The following SLC38A1 variants were observed in gnomAD, a reference collection of about 807,000 sequenced individuals.
SLC38A1 encodes sodium-coupled neutral amino acid symporter 1.
A neutral mutation model predicts 60.3 loss-of-function variants in SLC38A1; 18 were observed. The ratio of observed to expected loss-of-function variants is 0.30; its 90% confidence interval spans 0.21 to 0.44. SLC38A1 has a LOEUF of 0.44. Among genes scored for constraint, SLC38A1 ranks in the 20% least tolerant of loss-of-function variants. SLC38A1 has a pLI of 1.00. For missense variants in SLC38A1, 448 were observed against 587.2 expected (o/e 0.76, Z 2.45); for synonymous variants, 196 against 212.1 (o/e 0.92, Z 0.66).
chr12:46,219,304 T>C (rs550431915), intron 5 of SLC38A1, among the ~76,000 whole-genome samples: 1 of 152,336 alleles, frequency 6.6e-6, no homozygotes, highest in Admixed American at 6.5e-5. Flanking sequence ...GGTTATAATT[T>C]TGCAAAGGCA....
intron 9 of SLC38A1, among the ~76,000 whole-genome samples, chr12:46,205,657 C>A (rs1939862958): frequency 6.6e-6 from 1 of 152,186 alleles, no homozygotes; most frequent in Non-Finnish European, 1.5e-5. Flanking sequence ...TGGTCAGACT[C>A]TCTAAATTTA....
intron 1 of SLC38A1, among the ~76,000 whole-genome samples, chr12:46,245,048 A>AT (rs1185070138): frequency 6.6e-6 from 1 of 152,196 alleles, no homozygotes. Context: ...CCTTGATAAC[A>AT]TATCATCTAT....
At chr12:46,264,936 A>G (rs1181019453) in intron 1 of SLC38A1, among the ~76,000 whole-genome samples, 1 of 152,226 alleles carries the variant, frequency 6.6e-6, no homozygotes, top group Non-Finnish European at 1.5e-5. Flanking sequence ...CCCAGAGACT[A>G]AAAAGATCCA....
chr12:46,213,279 G>T (rs944920100), intron 5 of SLC38A1, among the ~76,000 whole-genome samples: 1 of 152,146 alleles, frequency 6.6e-6, no homozygotes, highest in Non-Finnish European at 1.5e-5. Flanking sequence ...TTGAGCTTCT[G>T]GTGTGAATGC....
intron 5 of SLC38A1, among the ~76,000 whole-genome samples, chr12:46,222,552 T>C (rs1339853873): frequency 6.6e-6 from 1 of 152,152 alleles, no homozygotes; most frequent in Non-Finnish European, 1.5e-5. Context: ...CCTAGGAGAT[T>C]TTTCCTCACC....
intron 16 of SLC38A1, among the ~76,000 whole-genome samples, chr12:46,192,260 G>A (rs1939176420): frequency 6.6e-6 from 1 of 152,202 alleles, no homozygotes; most frequent in South Asian, 2.1e-4. Context: ...TGTTGAAGCA[G>A]CCTTGCATCC....
At chr12:46,217,109 A>G (rs1940447885) in intron 5 of SLC38A1, among the ~76,000 whole-genome samples, 1 of 152,226 alleles carries the variant, frequency 6.6e-6, no homozygotes, top group Non-Finnish European at 1.5e-5. Context: ...GGTATTCATT[A>G]TATATCAGGC....
At chr12:46,232,020 T>C (rs1941096304) in intron 3 of SLC38A1, among the ~76,000 whole-genome samples, 1 of 152,254 alleles carries the variant, frequency 6.6e-6, no homozygotes, top group South Asian at 2.1e-4. Flanking sequence ...TTCATCTTTA[T>C]CCAAGGGATC....
At chr12:46,202,717 A>G (rs1939716890) in intron 12 of SLC38A1, among the ~76,000 whole-genome samples, 1 of 152,224 alleles carries the variant, frequency 6.6e-6, no homozygotes, top group South Asian at 2.1e-4. Flanking sequence ...AAATACTTAA[A>G]CTTTCCTCGG....
At chr12:46,241,208 C>A (rs373974492) in intron 2 of SLC38A1, among the ~76,000 whole-genome samples, 2 of 152,254 alleles carry the variant, frequency 1.3e-5, no homozygotes, top group South Asian at 4.1e-4. Flanking sequence ...TGAATTTTGT[C>A]TGATCCTAAA....
rs927240167 is a variant in SLC38A1 at position 46,185,355 on chromosome 12, A to T, written c.*3615T>A. 1 of 152,156 alleles carries T rather than the reference A, an allele frequency of 6.6e-6. No individual in the cohort carries two copies. The highest frequency in any genetic ancestry group is 2.4e-5 in the African/African-American group (1 of 41,434). The allele number at this position is 152,156 out of a possible 1,614,324, so 9.4% of individuals were successfully genotyped here. ...AATAGTCTTAGGTGCTCGCCGAAGC[A>T]CTGAGGAATCTTACCACAACCCTGT... On this transcript the variant is annotated 3_prime_UTR_variant, in exon 17 of 17. Transcript: ENST00000398637.
intron 1 of SLC38A1, among the ~76,000 whole-genome samples, chr12:46,265,783 T>A (rs1305482679): frequency 6.6e-6 from 1 of 152,208 alleles, no homozygotes; most frequent in Non-Finnish European, 1.5e-5. Flanking sequence ...GGAAAGCTGT[T>A]CCACCTCAGT....
intron 1 of SLC38A1, among the ~76,000 whole-genome samples, chr12:46,249,492 G>C (rs995956848): frequency 2.6e-5 from 4 of 152,136 alleles, no homozygotes; most frequent in African/African-American, 9.7e-5. Flanking sequence ...GATCGGAGCA[G>C]AATTGAAGGA....
In SLC38A1 at chr12:46,201,099, A is replaced by G. The variant is rs1939637975; in HGVS notation, c.1002T>C (p.Tyr334=). ...LTAIFGYLTF[Y]DNVQSDLLHK... is the part of the protein sequence containing the mutation. ...TATGTACCAGTAGAAATTACTTACC[A>G]TAGAATGTCAAGTAGCCAAAAATGG... The change falls in exon 13 of 17, where the codon TAT becomes TAC. Residue 334 remains tyrosine (Y), a splice_region_variant and synonymous_variant. Coordinates refer to ENST00000398637, the MANE Select transcript of SLC38A1 (RefSeq NM_030674.4). 1 of 1,602,748 alleles carries G rather than the reference A, an allele frequency of 6.2e-7. No homozygotes were observed. The highest frequency in any genetic ancestry group is 8.5e-7 in the Non-Finnish European group (1 of 1,170,642).
intron 5 of SLC38A1, among the ~76,000 whole-genome samples, chr12:46,222,770 T>C (rs1454880249): frequency 6.6e-6 from 1 of 152,196 alleles, no homozygotes; most frequent in African/African-American, 2.4e-5. Flanking sequence ...AATCTTAAAT[T>C]GCACATGCAG....
rs1392235056 is a variant in SLC38A1, at chr12:46,185,257, C to T, written c.*3713G>A. 6.6e-6 allele frequency: 1 copy of T among 152,176 alleles called. No individual in the cohort carries two copies. Among genetic ancestry groups the T allele is most frequent in the East Asian group, 1.9e-4 (1 of 5,184 alleles). The allele number at this position is 152,176 out of a possible 1,614,324, so 9.4% of individuals were successfully genotyped here. On this transcript the variant is annotated 3_prime_UTR_variant, in exon 17 of 17. Coordinates refer to ENST00000398637, the MANE Select transcript of SLC38A1 (RefSeq NM_030674.4). ...CCCCGATGATGCTGATGCTACTGGT[C>T]TAGGGGCCACACTTTGAGAACCACT...
chr12:46,210,857 G>A (rs1387539075), intron 5 of SLC38A1, among the ~76,000 whole-genome samples: 2 of 152,116 alleles, frequency 1.3e-5, no homozygotes, highest in Non-Finnish European at 2.9e-5. Context: ...AAATTACCCA[G>A]TCTCAGGAAT....
rs374381843 is a variant in SLC38A1, at chr12:46,198,050, G to A, written c.1133C>T (p.Ser378Phe). 1 of 1,613,528 alleles carries A rather than the reference G, an allele frequency of 6.2e-7. No homozygotes were observed. Among genetic ancestry groups the A allele is most frequent in the Non-Finnish European group, 8.5e-7 (1 of 1,179,862 alleles). The change falls in exon 15 of 17, where the codon TCT becomes TTT. Residue 378 changes from serine to phenylalanine, a missense_variant. By Grantham distance (155) the Ser-to-Phe change is radical (BLOSUM62 -2). Around this residue, in one of 2 missense-constraint regions of SLC38A1, gnomAD observed 346 missense variants for 497.5 expected, o/e 0.70. Transcript: ENST00000398637. ...VPVLFFTVRS[S>F]LFELAKKTKF... Reference sequence around the variant, plus strand: ...TGTTTTCTTAGCCAGTTCAAATAAAGATGAACGAACCTGCAAGAAAAGAAA... The same window carrying A: ...TGTTTTCTTAGCCAGTTCAAATAAAAATGAACGAACCTGCAAGAAAAGAAA...
At chr12:46,195,109 G>A (rs1939308351) in intron 16 of SLC38A1, among the ~76,000 whole-genome samples, 1 of 152,154 alleles carries the variant, frequency 6.6e-6, no homozygotes, top group African/African-American at 2.4e-5. Context: ...GTGACCTATA[G>A]ATGGGGATTT....
Sources: allele counts gnomAD v4.1 joint callset (sites outside exome capture counted in the v4.1 genomes callset), GRCh38; gene constraint gnomAD v4.1.1; regional missense constraint gnomAD v4.1.1; transcripts MANE v1.5; gene names NCBI Gene and HGNC (gene_info 2026-07-23, HGNC 2026-07-21).